Variants in AGBL1 observed in about 807,000 individuals in gnomAD.
AGBL1 encodes the protein AGBL carboxypeptidase 1.
Under a neutral mutation model 118.9 loss-of-function variants are expected in AGBL1, and 130 were observed. The ratio of observed to expected loss-of-function variants is 1.09; its 90% CI spans 0.95 to 1.26. AGBL1 has a LOEUF of 1.26. Ranked by LOEUF, AGBL1 falls within the 50% of genes most tolerant of loss-of-function variation. The pLI is 0.00. For synonymous variants in AGBL1, 555 were observed against 478.9 expected, an observed-to-expected ratio of 1.16 and a Z score of -2.08; for missense variants, 1,584 against 1,298.1, an observed-to-expected ratio of 1.22 and a Z score of -3.38.
intron 18 of AGBL1, among the ~76,000 whole-genome samples, chr15:86,475,933 G>C (rs1206780703): frequency 6.6e-6 from 1 of 152,164 alleles, no homozygotes; most frequent in African/African-American, 2.4e-5. Flanking sequence ...CATTCTTAAA[G>C]AAACGAATTT....
chr15:86,263,088 A>G (rs2079018759), intron 10 of AGBL1, among the ~76,000 whole-genome samples, 194 bp downstream of exon 10: 1 of 152,194 alleles, frequency 6.6e-6, no homozygotes, highest in Admixed American at 6.5e-5. Flanking sequence ...AAAAGTTACG[A>G]TGTATGCAAG....
At chr15:86,229,796 A>G (rs1022384014) in intron 6 of AGBL1, among the ~76,000 whole-genome samples, 1 of 152,256 alleles carries the variant, frequency 6.6e-6, no homozygotes, top group Non-Finnish European at 1.5e-5. Context: ...TACTGGCTCC[A>G]GAAATGAATC....
chr15:86,404,503 G>T (rs551600461), intron 18 of AGBL1, among the ~76,000 whole-genome samples: 1 of 152,280 alleles, frequency 6.6e-6, no homozygotes, highest in East Asian at 1.9e-4. Context: ...CTCTACTTTT[G>T]AATGTATTTA....
intron 24 of AGBL1, among the ~76,000 whole-genome samples, chr15:87,025,004 C>A (rs929416970): frequency 6.6e-6 from 1 of 151,988 alleles, no homozygotes; most frequent in African/African-American, 2.4e-5. Flanking sequence ...CCATTTATGA[C>A]AAACCCACAG....
chr15:86,675,801 G>A (rs565925488), intron 22 of AGBL1, among the ~76,000 whole-genome samples: 8 of 152,164 alleles, frequency 5.3e-5, no homozygotes, highest in African/African-American at 1.9e-4. Context: ...TCTCTCCTCT[G>A]CTGCTCATTG....
chr15:86,603,512 C>A (rs1294383232), intron 21 of AGBL1, among the ~76,000 whole-genome samples: 1 of 152,064 alleles, frequency 6.6e-6, no homozygotes, highest in Non-Finnish European at 1.5e-5. Context: ...CCTTAGCCCC[C>A]TATTTTCTAA....
chr15:86,904,029 G>T (rs754551846), intron 22 of AGBL1, among the ~76,000 whole-genome samples: 1 of 145,900 alleles, frequency 6.9e-6, no homozygotes, highest in Non-Finnish European at 1.5e-5. Flanking sequence ...CCCTGCTTTT[G>T]TTGGTGGGGA....
At chr15:86,672,667 A>T (rs1356483343) in intron 21 of AGBL1, among the ~76,000 whole-genome samples, 1 of 152,180 alleles carries the variant, frequency 6.6e-6, no homozygotes, top group East Asian at 1.9e-4. Flanking sequence ...TTGGGGAAAG[A>T]ATCAGACCTC....
At chr15:86,830,365 T>C (rs1161008587) in intron 22 of AGBL1, among the ~76,000 whole-genome samples, 4 of 152,034 alleles carry the variant, frequency 2.6e-5, no homozygotes. Flanking sequence ...TGAACCTTAT[T>C]TTTTTTAAAA....
chr15:86,317,637 G>A (rs1454282806), intron 17 of AGBL1, among the ~76,000 whole-genome samples: 1 of 152,202 alleles, frequency 6.6e-6, no homozygotes, highest in African/African-American at 2.4e-5. Flanking sequence ...GGATTGAGTC[G>A]ATATTAATGA....
intron 23 of AGBL1, among the ~76,000 whole-genome samples, chr15:86,944,120 C>T (rs1442784760): frequency 6.6e-6 from 1 of 152,092 alleles, no homozygotes; most frequent in Non-Finnish European, 1.5e-5. Context: ...CCTGTAATCC[C>T]AGCACTTTGG....
intron 7 of AGBL1, among the ~76,000 whole-genome samples, chr15:86,256,152 T>C (rs545693547): frequency 6.6e-6 from 1 of 152,310 alleles, no homozygotes; most frequent in South Asian, 2.1e-4. Context: ...CAACTCTCTG[T>C]CTCTCAATTT....
At chr15:86,254,698 A>T (rs1382035018) in intron 7 of AGBL1, among the ~76,000 whole-genome samples, 2 of 151,844 alleles carry the variant, frequency 1.3e-5, no homozygotes, top group South Asian at 2.1e-4. Context: ...TCTTTTTTTG[A>T]TGCAAAGCAC....
intron 19 of AGBL1, among the ~76,000 whole-genome samples, chr15:86,532,302 G>C (rs1415424951): frequency 4.6e-5 from 7 of 151,910 alleles, no homozygotes; most frequent in Non-Finnish European, 8.8e-5. Context: ...CACAAGCATT[G>C]TCATACACCA....
At chr15:86,750,875 G>C (rs180967658) in intron 22 of AGBL1, among the ~76,000 whole-genome samples, 25 of 152,054 alleles carry the variant, frequency 1.6e-4, no homozygotes, top group Middle Eastern at 3.4e-3. Context: ...CTACTTATAA[G>C]CAAGGACATG....
At chr15:86,478,470 C>T (rs962112493) in intron 18 of AGBL1, among the ~76,000 whole-genome samples, 3 of 152,176 alleles carry the variant, frequency 2.0e-5, no homozygotes, top group African/African-American at 4.8e-5. Context: ...CATGAGTGAA[C>T]TGCCATTCAC....
intron 23 of AGBL1, among the ~76,000 whole-genome samples, chr15:86,951,279 A>G (rs1041046956): frequency 6.6e-6 from 1 of 152,212 alleles, no homozygotes. Context: ...GGCATATTCT[A>G]CTAAATGTGT....
chr15:86,900,080 G>T (rs2080190047), intron 22 of AGBL1, among the ~76,000 whole-genome samples: 1 of 152,086 alleles, frequency 6.6e-6, no homozygotes, highest in South Asian at 2.1e-4. Context: ...TCAACTTTTG[G>T]ACTCTTGGGC....
chr15:86,459,138 A>G (rs2082298370), intron 18 of AGBL1, among the ~76,000 whole-genome samples: 1 of 152,188 alleles, frequency 6.6e-6, no homozygotes. Context: ...GAGCATGTGT[A>G]TGTGCAGTAA....
Sources: allele counts gnomAD v4.1 joint callset (sites outside exome capture counted in the v4.1 genomes callset), GRCh38; gene constraint gnomAD v4.1.1; transcripts MANE v1.5; gene names NCBI Gene and HGNC (gene_info 2026-07-23, HGNC 2026-07-21).